Variants in GSE1 observed in about 807,000 individuals in gnomAD.
GSE1 encodes the protein Gse1 coiled-coil protein.
Under a neutral mutation model 112.6 loss-of-function variants are expected in GSE1, and 32 were observed. The observed-to-expected ratio is 0.28, with a 90% confidence interval of 0.21 to 0.38. GSE1 has a LOEUF of 0.38. Ranked by LOEUF, GSE1 falls within the 10% of genes least tolerant of loss-of-function variation. The pLI is 1.00. For synonymous variants in GSE1, 1,115 were observed against 735.6 expected (o/e 1.52, Z -8.35); for missense variants, 2,348 against 1,699.2 (o/e 1.38, Z -6.71).
At chr16:85,397,899 G>A (rs763132912) in intron 2 of GSE1, among the ~76,000 whole-genome samples, 4 of 149,902 alleles carry the variant, frequency 2.7e-5, no homozygotes, top group African/African-American at 9.8e-5. Flanking sequence ...AATGAGCCCC[G>A]CAGACCAGGG....
chr16:85,261,111 C>A (rs1907639311), intron 1 of GSE1, among the ~76,000 whole-genome samples: 1 of 152,186 alleles, frequency 6.6e-6, no homozygotes, highest in African/African-American at 2.4e-5. Context: ...CCCTTACCAC[C>A]CCCGCCTGGA....
chr16:85,668,440 G>T lies in GSE1; in HGVS notation c.3415+16G>T. ...CACATAGAAGGTAAGGGGGTGCTGG[G>T]GAAGAGGGGGGAGGGGGTCAGGAAA... On this transcript the variant is annotated intron_variant, in intron 14 of 15. Transcript: ENST00000253458. The T allele has an allele frequency of 6.5e-7, 1 of 1,536,360 alleles. No homozygotes were observed. Among genetic ancestry groups the T allele is most frequent in the East Asian group, 2.3e-5 (1 of 44,316 alleles).
intron 2 of GSE1, among the ~76,000 whole-genome samples, chr16:85,548,876 G>A (rs997517074): frequency 3.9e-5 from 6 of 152,014 alleles, no homozygotes; most frequent in East Asian, 1.9e-4. Context: ...TGCAACCTCC[G>A]CCTCCTGGGT....
At chr16:85,231,180 G>A (rs1904281898) in intron 1 of GSE1, among the ~76,000 whole-genome samples, 2 of 151,664 alleles carry the variant, frequency 1.3e-5, no homozygotes, top group Non-Finnish European at 2.9e-5. Context: ...ATGGATGGAT[G>A]GATGGATGGA....
chr16:85,439,397 T>G (rs151204086), intron 2 of GSE1, among the ~76,000 whole-genome samples: 2 of 152,186 alleles, frequency 1.3e-5, no homozygotes. Context: ...TCTCTCAGCC[T>G]TGGAGGCTGG....
chr16:85,643,434 A>G (rs968473094), intron 2 of GSE1, among the ~76,000 whole-genome samples: 30 of 152,134 alleles, frequency 2.0e-4, no homozygotes, highest in South Asian at 8.3e-4. Flanking sequence ...CTGAGTGTCA[A>G]TGGCCTGCCC....
chr16:85,659,853 T>TGGGTCCTTGAA (rs2052287029), intron 8 of GSE1, among the ~76,000 whole-genome samples: 1 of 152,256 alleles, frequency 6.6e-6, no homozygotes, highest in African/African-American at 2.4e-5. Flanking sequence ...GGCCTTAGCC[T>TGGGTCCTTGAA]GGGTCCTTGA....
chr16:85,462,775 C>T (rs1246182181), intron 2 of GSE1, among the ~76,000 whole-genome samples: 1 of 142,242 alleles, frequency 7.0e-6, no homozygotes, highest in Non-Finnish European at 1.6e-5. Flanking sequence ...GGCAGCCGCG[C>T]CGCCACGGCT....
At chr16:85,349,792 C>T (rs764523227) in intron 1 of GSE1, among the ~76,000 whole-genome samples, 2 of 152,192 alleles carry the variant, frequency 1.3e-5, no homozygotes, top group African/African-American at 4.8e-5. Flanking sequence ...CTGCTTTGCT[C>T]TTGAGATAAA....
intron 2 of GSE1, among the ~76,000 whole-genome samples, chr16:85,524,114 G>T (rs972542311): frequency 2.0e-5 from 3 of 152,214 alleles, no homozygotes; most frequent in African/African-American, 7.2e-5. Flanking sequence ...AGGTCTGGGG[G>T]CCGGTGGGGT....
In GSE1 at chr16:85,673,155, TAAAACC is replaced by T. The variant is rs1174069454; in HGVS notation, c.*619_*624del. ...GGAAAAGCTCTTTCTTACCTAAAGA[TAAAACC>T]AATTCACAAACTGAAGGTAGCTTTT... is the stretch of plus-strand genomic sequence containing the variant. On this transcript the variant is annotated 3_prime_UTR_variant, in exon 16 of 16. Transcript: ENST00000253458. The T allele has an allele frequency of 6.6e-6, 1 of 152,532 alleles. No homozygotes were observed. The highest frequency in any genetic ancestry group is 2.4e-5 in the African/African-American group (1 of 41,450). 9.4% of individuals were successfully genotyped at this position (152,532 alleles called of 1,614,324 possible).
At chr16:85,540,803 AG>A in intron 2 of GSE1, among the ~76,000 whole-genome samples, 1 of 152,188 alleles carries the variant, frequency 6.6e-6, no homozygotes, top group South Asian at 2.1e-4. Context: ...GATACTAGGG[AG>A]GCTGAGGCAG....
chr16:85,502,754 G>A (rs967215570), intron 2 of GSE1, among the ~76,000 whole-genome samples: 3 of 152,234 alleles, frequency 2.0e-5, no homozygotes, highest in South Asian at 2.1e-4. Flanking sequence ...CTTGGTGTCC[G>A]TGGAGCCGGG....
chr16:85,436,022 G>C (rs1230156334), intron 2 of GSE1, among the ~76,000 whole-genome samples: 2 of 152,172 alleles, frequency 1.3e-5, no homozygotes, highest in Non-Finnish European at 2.9e-5. Flanking sequence ...CATTTCCAGG[G>C]CCAGAACCCT....
chr16:85,468,720 C>T (rs764370778), intron 2 of GSE1, among the ~76,000 whole-genome samples: 2 of 152,146 alleles, frequency 1.3e-5, no homozygotes, highest in South Asian at 2.1e-4. Context: ...CCTGGAGCCA[C>T]GCAGAACAGA....
intron 2 of GSE1, among the ~76,000 whole-genome samples, chr16:85,527,671 G>A (rs1489604336): frequency 2.6e-5 from 4 of 152,274 alleles, no homozygotes; most frequent in Non-Finnish European, 5.9e-5. Flanking sequence ...AGCCCTGGCA[G>A]GGGAATGTGG....
At chr16:85,625,952 G>A (rs558407230) in intron 1 of GSE1, among the ~76,000 whole-genome samples, 23 of 152,242 alleles carry the variant, frequency 1.5e-4, no homozygotes, top group African/African-American at 4.3e-4. Flanking sequence ...GGCTGCACAG[G>A]TTGCCCCCGC....
chr16:85,598,994 A>C (rs2047352936), intron 1 of GSE1, among the ~76,000 whole-genome samples: 2 of 152,100 alleles, frequency 1.3e-5, no homozygotes, highest in East Asian at 3.9e-4. Context: ...ACTCCCCCTC[A>C]ATTATTTTTC....
chr16:85,322,490 C>T (rs1490928794), intron 1 of GSE1, among the ~76,000 whole-genome samples: 1 of 152,148 alleles, frequency 6.6e-6, no homozygotes, highest in Non-Finnish European at 1.5e-5. Flanking sequence ...GTTTGTACTG[C>T]AGTGAGCCAA....
Sources: allele counts gnomAD v4.1 joint callset (sites outside exome capture counted in the v4.1 genomes callset), GRCh38; gene constraint gnomAD v4.1.1; transcripts MANE v1.5; gene names NCBI Gene and HGNC (gene_info 2026-07-23, HGNC 2026-07-21).